UNC80: variants seen among roughly 807,000 people sequenced by gnomAD.
The protein encoded by UNC80 is protein unc-80 homolog.
In UNC80, 164 loss-of-function variants were observed where a neutral mutation model predicts 384.6. The ratio of observed to expected loss-of-function variants is 0.43; its 90% CI spans 0.38 to 0.49. UNC80 has a LOEUF of 0.49. UNC80 is among the 20% of genes least tolerant of loss of function. The pLI, the probability that UNC80 is intolerant of heterozygous loss-of-function variation, is 0.00. For synonymous variants in UNC80, 1,486 were observed against 1,527.8 expected (o/e 0.97, Z 0.64); for missense variants, 3,330 against 4,143.0 (o/e 0.80, Z 5.39).
intron 45 of UNC80, 143 bp from the exon 46 acceptor site, chr2:209,944,908 C>T (rs1483454620): frequency 5.4e-6 from 5 of 923,036 alleles, no homozygotes; most frequent in South Asian, 3.7e-5. Flanking sequence ...CACAGCATTG[C>T]GGGATCCAGA....
Position 209,945,873 on chromosome 2 carries a change from A to C in UNC80, c.7216A>C (p.Thr2406Pro), listed in dbSNP as rs1429515336. The change falls in exon 47 of 65, where the codon ACA becomes CCA. Residue 2406 changes from threonine to proline, a missense_variant. By Grantham distance (38) the Thr-to-Pro change is conservative (BLOSUM62 -1). Around this residue, in one of 8 missense-constraint regions of UNC80, gnomAD observed 1,049 missense variants for 1,488.6 expected, o/e 0.70. Coordinates refer to ENST00000673920, the MANE Select transcript of UNC80 (RefSeq NM_001371986.1). ...TTTCTGCTATGGAAACGAAGATCTG[A>C]CATTTTCTATCAGTGAAGCCATTAA... ...LDFCYGNEDL[T>P]FSISEAIKLC... 60 of 1,551,814 alleles carry C rather than the reference A, an allele frequency of 3.9e-5. No homozygotes were observed. Among genetic ancestry groups the C allele is most frequent in the Non-Finnish European group, 5.1e-5 (59 of 1,146,980 alleles).
At chr2:209,896,223 G>A in intron 27 of UNC80, 90 bp from the exon 28 acceptor site, 1 of 1,179,898 alleles carries the variant, frequency 8.5e-7, no homozygotes, top group Non-Finnish European at 1.2e-6. Flanking sequence ...GTCTGCCCTA[G>A]GATTCAGAAG....
chr2:209,791,156 C>T (rs2077771361), intron 6 of UNC80, among the ~76,000 whole-genome samples: 1 of 152,138 alleles, frequency 6.6e-6, no homozygotes, highest in Non-Finnish European at 1.5e-5. Context: ...GCAGCTGAAC[C>T]TACCTAATTG....
At chr2:209,953,992 A>C in intron 47 of UNC80, 108 bp from the exon 48 acceptor site, 1 of 1,271,330 alleles carries the variant, frequency 7.9e-7, no homozygotes, top group South Asian at 1.8e-5. Context: ...GGGGCCTTAG[A>C]ATTCATATAT....
At position 209,825,900 on chromosome 2, in the gene UNC80, G is replaced by T. The variant is rs7581661; in HGVS notation, c.2332-7G>T. 76,186 of 1,528,358 alleles carry T rather than the reference G, an allele frequency of 0.05. 3,731 individuals are homozygous for T. Among genetic ancestry groups the T allele is most frequent in the East Asian group, 0.23 (8,986 of 39,904 alleles). The allele number at this position is 1,528,358 out of a possible 1,614,324, so 94.7% of individuals were successfully genotyped here. A position where few individuals can be genotyped will look rare whatever the true frequency, so the allele number is the denominator to read the frequency against. Reference sequence around the variant, plus strand: ...ACTTTTCTTTCTTTCTCATTCGTGGGTACCAGGATGAAAGTACACCTGTAA... The same window carrying T: ...ACTTTTCTTTCTTTCTCATTCGTGGTTACCAGGATGAAAGTACACCTGTAA... On this transcript the variant is annotated splice_polypyrimidine_tract_variant and splice_region_variant and intron_variant, in intron 13 of 64. Coordinates refer to ENST00000673920, the MANE Select transcript of UNC80 (RefSeq NM_001371986.1).
At chr2:209,881,471 A>T (rs1365613722) in intron 25 of UNC80, among the ~76,000 whole-genome samples, 1 of 152,182 alleles carries the variant, frequency 6.6e-6, no homozygotes, top group South Asian at 2.1e-4. Context: ...ATAAATCTGT[A>T]TAGAAATTTG....
Position 209,866,533 on chromosome 2 carries a change from C to CATACACACAGAGAG in UNC80, c.3628-6224_3628-6223insTACACACAGAGAGA, listed in dbSNP as rs1307214321. Among the ~76,000 whole-genome samples the CATACACACAGAGAG allele has an allele frequency of 3.8e-5, 4 of 104,138 alleles. No individual in the cohort carries two copies. The South Asian group carries it at 1.3e-3, about 33-fold the overall frequency. 68.3% of individuals were successfully genotyped at this position (104,138 alleles called of 152,430 possible). Reference sequence around the variant, plus strand: ...ACACACACACACACACACACACACACAGAGAGAGAGAGAGAGAGAGAGAGA... The same window carrying CATACACACAGAGAG: ...ACACACACACACACACACACACACACATACACACAGAGAGAGAGAGAGAGAGAGAGAGAGAGAGA... On this transcript the variant is annotated intron_variant, in intron 22 of 64. Coordinates refer to ENST00000673920, the MANE Select transcript of UNC80 (RefSeq NM_001371986.1).
intron 26 of UNC80, among the ~76,000 whole-genome samples, chr2:209,891,568 TA>T (rs1040424281): frequency 6.6e-6 from 1 of 152,176 alleles, no homozygotes; most frequent in Non-Finnish European, 1.5e-5. Context: ...AATATCTGAT[TA>T]ATTTTAAGAA....
intron 61 of UNC80, among the ~76,000 whole-genome samples, chr2:209,989,113 G>A (rs2093345615): frequency 6.8e-6 from 1 of 147,854 alleles, no homozygotes. Flanking sequence ...AGGAGTTTGA[G>A]ACCAGCCTGG....
rs202226257 is a variant in UNC80, at chr2:209,978,630, G to A, written c.9040G>A (p.Val3014Ile). ...MSRSNTGTGT[V>I]WEQDSEPSQQ... The stretch of plus-strand genomic sequence containing the variant: ...CCGCTCTAACACGGGCACGGGCACT[G>A]TCTGGGAGCAGGACAGTGAGCCATC... Residue 3014 changes from valine to isoleucine, a missense_variant, in exon 59 of 65, where the codon GTC becomes ATC. Physicochemically the swap from Val to Ile is conservative, Grantham distance 29. This residue lies in a region of UNC80 where 216 missense variants were observed against 245.3 expected (regional missense o/e 0.88). Coordinates refer to ENST00000673920, the MANE Select transcript of UNC80 (RefSeq NM_001371986.1). The A allele has an allele frequency of 6.4e-7, 1 of 1,551,426 alleles. No individual in the cohort carries two copies. The highest frequency in any genetic ancestry group is 8.7e-7 in the Non-Finnish European group (1 of 1,146,860).
intron 9 of UNC80, among the ~76,000 whole-genome samples, chr2:209,816,661 T>G (rs1228592969): frequency 6.6e-6 from 1 of 152,182 alleles, no homozygotes; most frequent in Non-Finnish European, 1.5e-5. Flanking sequence ...GGGACCACAC[T>G]TTGCAAACCA....
rs7597896 is a variant in UNC80, at chr2:209,865,011, C to T, written c.3628-7747C>T. On this transcript the variant is annotated intron_variant, in intron 22 of 64. Coordinates refer to ENST00000673920, the MANE Select transcript of UNC80 (RefSeq NM_001371986.1). ...GGCATCTTCGGATCTGTGGGTTGCA[C>T]AATTCCATGTTAAAAGCACGGCTTC... Among the ~76,000 whole-genome samples, 867 of 152,292 alleles carry T rather than the reference C, an allele frequency of 5.7e-3. 11 individuals carry two copies. The highest frequency in any genetic ancestry group is 0.02 in the African/African-American group (815 of 41,568).
intron 7 of UNC80, chr2:209,794,875 TC>T: frequency 4.6e-6 from 2 of 438,764 alleles, no homozygotes; most frequent in East Asian, 7.6e-5. Context: ...TTACTTATGT[TC>T]CCAGTTTGGG....
intron 8 of UNC80, among the ~76,000 whole-genome samples, chr2:209,814,185 T>C (rs747487154): frequency 5.9e-5 from 9 of 152,132 alleles, no homozygotes; most frequent in Non-Finnish European, 1.2e-4. Flanking sequence ...ATCTGTAACA[T>C]AGGATTTTAC....
Position 209,994,172 on chromosome 2 carries a change from C to T in UNC80, c.9616C>T (p.Pro3206Ser), listed in dbSNP as rs914003045. Residue 3206 changes from proline (P) to serine (S), a missense_variant, in exon 64 of 65, where the codon CCT (proline) becomes TCT (serine). Transcript: ENST00000673920. Reference sequence around the variant, plus strand: ...CCAACTACAGGGCTGTAGCCCAGCCCCTTCTAGGAAACCAGAAGCAATGGA... The same window carrying T: ...CCAACTACAGGGCTGTAGCCCAGCCTCTTCTAGGAAACCAGAAGCAATGGA... The part of the protein sequence containing the change: ...TGQLQGCSPA[P>S]SRKPEAMDEP... The T allele has an allele frequency of 5.8e-6, 9 of 1,551,428 alleles. No homozygotes were observed. The highest frequency in any genetic ancestry group is 1.4e-5 in the African/African-American group (1 of 73,010).
intron 40 of UNC80, among the ~76,000 whole-genome samples, chr2:209,936,075 T>G (rs1186752382): frequency 2.0e-5 from 3 of 152,122 alleles, no homozygotes; most frequent in Non-Finnish European, 4.4e-5. Flanking sequence ...GAAGAGACCT[T>G]TGGAAAAAAA....
At chr2:209,959,194 A>AT in intron 50 of UNC80, 40 bp downstream of exon 50, 1 of 1,546,620 alleles carries the variant, frequency 6.5e-7, no homozygotes, top group Non-Finnish European at 8.8e-7. Context: ...CAGTTCTGAC[A>AT]TCTTGAGATG....
intron 28 of UNC80, among the ~76,000 whole-genome samples, chr2:209,896,720 G>C (rs1448375579): frequency 6.6e-6 from 1 of 152,120 alleles, no homozygotes; most frequent in African/African-American, 2.4e-5. Flanking sequence ...CACAGCGTAG[G>C]TATCACCATC....
intron 43 of UNC80, 142 bp from the exon 44 acceptor site, chr2:209,941,079 C>A: frequency 1.8e-6 from 2 of 1,094,124 alleles, no homozygotes; most frequent in African/African-American, 1.6e-5. Flanking sequence ...TAATATTGTG[C>A]TGGAAAACAT....
Sources: allele counts gnomAD v4.1 joint callset (sites outside exome capture counted in the v4.1 genomes callset), GRCh38; gene constraint gnomAD v4.1.1; regional missense constraint gnomAD v4.1.1; transcripts MANE v1.5; gene names NCBI Gene and HGNC (gene_info 2026-07-23, HGNC 2026-07-21).